Variants in DGKI observed in about 807,000 individuals in gnomAD.
DGKI encodes diacylglycerol kinase iota.
A neutral mutation model predicts 147.5 loss-of-function variants in DGKI; 55 were observed. That is an observed-to-expected ratio of 0.37 (90% CI 0.30 to 0.47). The LOEUF is 0.47. DGKI is among the 20% of genes least tolerant of loss of function. DGKI has a pLI of 1.00. For synonymous variants in DGKI, 469 were observed against 477.1 expected (o/e 0.98, Z 0.22); for missense variants, 1,007 against 1,323.8 (o/e 0.76, Z 3.71).
chr7:137,645,430 T>C (rs1335695255), intron 6 of DGKI, 42 bp downstream of exon 6: 1 of 1,587,186 alleles, frequency 6.3e-7, no homozygotes, highest in Non-Finnish European at 8.6e-7. Flanking sequence ...TGCAGAGGCC[T>C]GGGGAGCCTC....
chr7:137,451,860 CTTTA>C (rs1285126001), intron 27 of DGKI, among the ~76,000 whole-genome samples: 1 of 151,916 alleles, frequency 6.6e-6, no homozygotes, highest in Non-Finnish European at 1.5e-5. Flanking sequence ...GCATATTTTG[CTTTA>C]TTTATTTTTT....
At chr7:137,449,009 A>G (rs1220728726) in intron 27 of DGKI, among the ~76,000 whole-genome samples, 3 of 152,220 alleles carry the variant, frequency 2.0e-5, no homozygotes, top group Non-Finnish European at 4.4e-5. Context: ...AAATAAATGG[A>G]AAGACATCTC....
At chr7:137,603,286 T>A (rs1820058365) in intron 10 of DGKI, among the ~76,000 whole-genome samples, 3 of 152,172 alleles carry the variant, frequency 2.0e-5, no homozygotes, top group Admixed American at 2.0e-4. Context: ...TCATCAATCT[T>A]CATCAAAGCA....
intron 1 of DGKI, among the ~76,000 whole-genome samples, chr7:137,770,443 T>C (rs1796154740): frequency 2.0e-5 from 3 of 151,688 alleles, no homozygotes; most frequent in Admixed American, 2.0e-4. Flanking sequence ...GTAACAAACC[T>C]ACGCATTCTA....
At chr7:137,633,365 G>A (rs1434170199) in intron 6 of DGKI, among the ~76,000 whole-genome samples, 1 of 152,150 alleles carries the variant, frequency 6.6e-6, no homozygotes, top group Non-Finnish European at 1.5e-5. Context: ...CCCCAAGACT[G>A]GTTTCTTGGT....
At chr7:137,530,730 G>T (rs1817310542) in intron 20 of DGKI, among the ~76,000 whole-genome samples, 1 of 152,198 alleles carries the variant, frequency 6.6e-6, no homozygotes, top group East Asian at 1.9e-4. Flanking sequence ...GATTAGGCCA[G>T]AATCATTGGC....
chr7:137,793,722 C>G (rs952906654), intron 1 of DGKI, among the ~76,000 whole-genome samples: 1 of 152,106 alleles, frequency 6.6e-6, no homozygotes, highest in African/African-American at 2.4e-5. Flanking sequence ...CTTTTTTTCT[C>G]CTTAATGTGA....
At chr7:137,759,155 T>C (rs967167015) in intron 1 of DGKI, among the ~76,000 whole-genome samples, 2 of 152,136 alleles carry the variant, frequency 1.3e-5, no homozygotes, top group Non-Finnish European at 1.5e-5. Context: ...ATTACTTTCA[T>C]GTTTATGTCC....
chr7:137,408,532 G>T (rs556923601), intron 29 of DGKI, among the ~76,000 whole-genome samples: 2 of 151,898 alleles, frequency 1.3e-5, no homozygotes, highest in Admixed American at 6.6e-5. Flanking sequence ...ACATACACAC[G>T]CATGCATGCA....
chr7:137,411,037 A>G (rs942378951), intron 29 of DGKI, among the ~76,000 whole-genome samples: 3 of 152,210 alleles, frequency 2.0e-5, no homozygotes, highest in Admixed American at 2.0e-4. Context: ...TAACCTGTTG[A>G]AAAATGCAGC....
chr7:137,625,509 T>C (rs1820904925), intron 6 of DGKI, among the ~76,000 whole-genome samples: 1 of 151,970 alleles, frequency 6.6e-6, no homozygotes, highest in South Asian at 2.1e-4. Flanking sequence ...GAAAGGCTGC[T>C]TGCAAGGTTG....
intron 21 of DGKI, among the ~76,000 whole-genome samples, chr7:137,507,801 T>C (rs913314052): frequency 7.2e-5 from 11 of 152,172 alleles, no homozygotes; most frequent in African/African-American, 2.7e-4. Context: ...GATATCTTTG[T>C]GGCAGGAATT....
intron 28 of DGKI, among the ~76,000 whole-genome samples, chr7:137,415,737 T>C (rs1812333980): frequency 6.6e-6 from 1 of 152,110 alleles, no homozygotes; most frequent in Non-Finnish European, 1.5e-5. Flanking sequence ...ATCCCAGCAC[T>C]TCAGGAGGCC....
At chr7:137,827,383 CT>C (rs1211943535) in intron 1 of DGKI, among the ~76,000 whole-genome samples, 5 of 152,174 alleles carry the variant, frequency 3.3e-5, no homozygotes, top group African/African-American at 1.2e-4. Context: ...CCACTCTATC[CT>C]TATGCTCAAC....
chr7:137,425,600 T>C (rs10278762), intron 28 of DGKI, among the ~76,000 whole-genome samples: 52,760 of 151,952 alleles, frequency 0.35, 9,961 homozygotes, highest in East Asian at 0.65. Flanking sequence ...CAAATTACTC[T>C]GAGCTACAGG....
At chr7:137,845,054 A>C (rs1054241312) in intron 1 of DGKI, among the ~76,000 whole-genome samples, 1 of 152,202 alleles carries the variant, frequency 6.6e-6, no homozygotes, top group African/African-American at 2.4e-5. Flanking sequence ...TTAGAAACCA[A>C]AGTATAAAAA....
At chr7:137,460,615 C>G (rs1347415956) in intron 27 of DGKI, among the ~76,000 whole-genome samples, 1 of 152,030 alleles carries the variant, frequency 6.6e-6, no homozygotes, top group Non-Finnish European at 1.5e-5. Context: ...GTTGAGCATC[C>G]CAAATCCAAA....
intron 1 of DGKI, among the ~76,000 whole-genome samples, chr7:137,762,173 A>C (rs140330584): frequency 1.7e-3 from 265 of 152,292 alleles, no homozygotes; most frequent in Non-Finnish European, 2.7e-3. Flanking sequence ...TTCATTCCCG[A>C]TATTAAATCT....
chr7:137,527,727 C>A (rs1456638729), intron 20 of DGKI, among the ~76,000 whole-genome samples: 1 of 150,570 alleles, frequency 6.6e-6, no homozygotes, highest in Admixed American at 6.6e-5. Context: ...AGTTGTTTTT[C>A]TTTTATGAGA....
Sources: gnomAD v4.1 joint callset for allele counts (sites outside exome capture counted in the v4.1 genomes callset) on GRCh38, gnomAD v4.1.1 for gene constraint, MANE v1.5 for transcripts, NCBI Gene and HGNC (gene_info 2026-07-23, HGNC 2026-07-21) for gene names.